NLGN1: variants seen among roughly 807,000 people sequenced by gnomAD.
The protein encoded by NLGN1 is neuroligin-1.
Under a neutral mutation model 65.5 loss-of-function variants are expected in NLGN1, and 12 were observed. The observed-to-expected ratio is 0.18, with a 90% confidence interval of 0.12 to 0.30. The LOEUF is 0.30. Ranked by LOEUF, NLGN1 falls within the 10% of genes least tolerant of loss-of-function variation. The probability of loss-of-function intolerance (pLI) is 1.00; values close to 1 mark genes in which losing one functional copy is unlikely to be tolerated. For synonymous variants in NLGN1, 350 were observed against 359.5 expected, an observed-to-expected ratio of 0.97 and a Z score of 0.30; for missense variants, 750 against 1,007.1, an observed-to-expected ratio of 0.74 and a Z score of 3.46.
chr3:174,207,267 T>C (rs992788264), intron 4 of NLGN1, among the ~76,000 whole-genome samples: 26 of 151,644 alleles, frequency 1.7e-4, no homozygotes, highest in African/African-American at 6.1e-4. Context: ...GATAACATGC[T>C]TGGCTGGTGT....
intron 2 of NLGN1, among the ~76,000 whole-genome samples, chr3:173,508,864 C>T (rs2149087550): frequency 6.6e-6 from 1 of 152,276 alleles, no homozygotes; most frequent in East Asian, 1.9e-4. Context: ...TCGAGCCCAG[C>T]CCGAACTCTT....
chr3:174,049,682 T>C (rs1173940126), intron 4 of NLGN1, among the ~76,000 whole-genome samples: 3 of 152,156 alleles, frequency 2.0e-5, no homozygotes, highest in African/African-American at 7.2e-5. Flanking sequence ...GAATTGATTA[T>C]GCATATTTCT....
chr3:174,202,339 A>G (rs1012979248), intron 4 of NLGN1, among the ~76,000 whole-genome samples: 3 of 152,104 alleles, frequency 2.0e-5, no homozygotes, highest in African/African-American at 7.2e-5. Context: ...CCCAGTGTAG[A>G]TAGGATCCAA....
intron 2 of NLGN1, among the ~76,000 whole-genome samples, chr3:173,597,372 G>A (rs1749653134): frequency 6.6e-6 from 1 of 152,164 alleles, no homozygotes; most frequent in Non-Finnish European, 1.5e-5. Context: ...TAAGTGACAT[G>A]AACTATGTAA....
chr3:173,661,158 G>C (rs911606079), intron 3 of NLGN1, among the ~76,000 whole-genome samples: 2 of 151,974 alleles, frequency 1.3e-5, no homozygotes, highest in African/African-American at 4.8e-5. Flanking sequence ...TAGATGGATA[G>C]GATCAAAGGA....
chr3:174,249,241 C>G (rs902482699), intron 4 of NLGN1, among the ~76,000 whole-genome samples: 3 of 152,154 alleles, frequency 2.0e-5, no homozygotes, highest in Admixed American at 2.0e-4. Context: ...GCATTTATTC[C>G]TACATTTTCA....
intron 4 of NLGN1, among the ~76,000 whole-genome samples, chr3:173,898,318 G>A (rs944857597): frequency 2.6e-5 from 4 of 152,100 alleles, no homozygotes; most frequent in African/African-American, 4.8e-5. Context: ...TAGATATCAG[G>A]AAAAAAATAC....
chr3:173,556,191 C>A (rs1032802399), intron 2 of NLGN1, among the ~76,000 whole-genome samples: 2 of 152,054 alleles, frequency 1.3e-5, no homozygotes, highest in African/African-American at 4.8e-5. Context: ...TATTTTCCTT[C>A]ATCAGTCTTC....
intron 4 of NLGN1, among the ~76,000 whole-genome samples, chr3:174,210,083 A>G (rs1399060154): frequency 4.6e-5 from 7 of 152,046 alleles, no homozygotes; most frequent in Admixed American, 2.0e-4. Flanking sequence ...CTTACCCCAA[A>G]TCATCACATT....
chr3:173,477,897 G>A (rs1466803022), intron 2 of NLGN1, among the ~76,000 whole-genome samples: 1 of 152,054 alleles, frequency 6.6e-6, no homozygotes, highest in East Asian at 1.9e-4. Flanking sequence ...AGAAAGTCAA[G>A]AAAAAATAGA....
At chr3:174,025,882 A>G (rs1728734137) in intron 4 of NLGN1, among the ~76,000 whole-genome samples, 4 of 152,168 alleles carry the variant, frequency 2.6e-5, no homozygotes. Flanking sequence ...TCACCAAGAG[A>G]CAGAATTTGT....
chr3:173,446,052 C>CT (rs1260271852), intron 2 of NLGN1, among the ~76,000 whole-genome samples: 1 of 150,154 alleles, frequency 6.7e-6, no homozygotes, highest in Non-Finnish European at 1.5e-5. Flanking sequence ...TTTTTCTTTT[C>CT]TTTTTTTCTT....
chr3:173,510,918 G>A (rs539570546), intron 2 of NLGN1, among the ~76,000 whole-genome samples: 6 of 152,124 alleles, frequency 3.9e-5, no homozygotes, highest in Non-Finnish European at 7.3e-5. Flanking sequence ...ACAAATTCGC[G>A]AGATTAAGGT....
intron 4 of NLGN1, among the ~76,000 whole-genome samples, chr3:174,142,993 A>C (rs7634230): frequency 0.15 from 23,506 of 152,040 alleles, 3,418 homozygotes; most frequent in African/African-American, 0.38. Flanking sequence ...ATGGCAAGAG[A>C]AGGAGCAAGA....
chr3:174,291,412 T>G (rs2152905066), downstream of NLGN1, among the ~76,000 whole-genome samples: 1 of 151,304 alleles, frequency 6.6e-6, no homozygotes, highest in East Asian at 1.9e-4. Flanking sequence ...ATGAAATAAC[T>G]GATCAAAAAT....
chr3:173,477,911 T>C (rs1726532498), intron 2 of NLGN1, among the ~76,000 whole-genome samples: 1 of 152,168 alleles, frequency 6.6e-6, no homozygotes, highest in Non-Finnish European at 1.5e-5. Context: ...AAATAGATGC[T>C]GGCCAGGTTG....
chr3:174,254,394 A>C (rs1745311085), intron 4 of NLGN1, among the ~76,000 whole-genome samples: 1 of 137,824 alleles, frequency 7.3e-6, no homozygotes, highest in Non-Finnish European at 1.5e-5. Flanking sequence ...CAGAGACCTG[A>C]TTATTGAAAA....
At chr3:174,049,759 G>A (rs1044181759) in intron 4 of NLGN1, among the ~76,000 whole-genome samples, 3 of 152,048 alleles carry the variant, frequency 2.0e-5, no homozygotes, top group African/African-American at 4.8e-5. Flanking sequence ...TATTCATTAC[G>A]TGTAAAAGAG....
At chr3:173,920,648 T>C (rs1038168098) in intron 4 of NLGN1, 1 of 152,140 alleles carries the variant, frequency 6.6e-6, no homozygotes, top group Non-Finnish European at 1.5e-5. Flanking sequence ...CTCATAACAC[T>C]CTATTTAAGG....
Sources: allele counts gnomAD v4.1 joint callset (sites outside exome capture counted in the v4.1 genomes callset), GRCh38; gene constraint gnomAD v4.1.1; transcripts MANE v1.5; gene names NCBI Gene and HGNC (gene_info 2026-07-23, HGNC 2026-07-21).